Variants in FBXO42 observed in about 807,000 individuals in gnomAD.
The protein encoded by FBXO42 is F-box protein 42.
FBXO42 carries 12 observed loss-of-function variants against 71.7 expected under a neutral mutation model. The ratio of observed to expected loss-of-function variants is 0.17; its 90% CI spans 0.11 to 0.27. The LOEUF (loss-of-function observed/expected upper bound fraction) is 0.27, where lower values mean the gene tolerates loss of function less well. Ranked by LOEUF, FBXO42 falls within the 10% of genes least tolerant of loss-of-function variation. The probability of loss-of-function intolerance (pLI) is 1.00; values close to 1 mark genes in which losing one functional copy is unlikely to be tolerated. For synonymous variants in FBXO42, 325 were observed against 327.5 expected (o/e 0.99, Z 0.08); for missense variants, 707 against 911.9 (o/e 0.78, Z 2.89).
intron 1 of FBXO42, among the ~76,000 whole-genome samples, chr1:16,320,680 T>C (rs2082404009): frequency 6.6e-6 from 1 of 150,602 alleles, no homozygotes; most frequent in Non-Finnish European, 1.5e-5. Context: ...TTTTTTGAGA[T>C]GGGAGTCTCG....
rs1477545566 is a variant in FBXO42, at chr1:16,252,341, C to T, written c.985G>A (p.Val329Ile). 6.2e-7 allele frequency: 1 copy of T among 1,614,100 alleles called. No homozygotes were observed. The change falls in exon 9 of 10, where the codon GTA becomes ATA. Residue 329 changes from valine (V) to isoleucine (I), a missense_variant. Coordinates refer to ENST00000375592, the MANE Select transcript of FBXO42 (RefSeq NM_018994.3). This position sits in a 1 kb window ranked among gnomAD's most constrained non-coding sequence, Gnocchi z 4.4. ...GGGGCCCCATGCTCTTCATTTTCTACCTTGAGTGGCTGCCAGGCCCAAGGA... is the reference window on the plus strand; with the variant it reads ...GGGGCCCCATGCTCTTCATTTTCTATCTTGAGTGGCTGCCAGGCCCAAGGA... Reference protein sequence around the residue: ...SGPWAWQPLKVENEEHGAPEL... With the variant: ...SGPWAWQPLKIENEEHGAPEL...
intron 1 of FBXO42, among the ~76,000 whole-genome samples, chr1:16,344,213 G>C (rs1167215801): frequency 6.6e-6 from 1 of 151,708 alleles, no homozygotes; most frequent in Non-Finnish European, 1.5e-5. Context: ...GGTCAGGCTG[G>C]TCTCGAACTC....
intron 1 of FBXO42, among the ~76,000 whole-genome samples, chr1:16,345,720 C>A (rs1018915934): frequency 2.0e-5 from 3 of 151,772 alleles, no homozygotes; most frequent in African/African-American, 4.8e-5. Context: ...TGGTGGCGGG[C>A]GCCTGTAGTC....
In FBXO42 at chr1:16,266,101, T is replaced by C. The variant is rs558711107; in HGVS notation, c.503-9342A>G. ...TTTCAAATAAAATAATCAAACAAGATAGAACTTTTGAAAGAAAAAGTCAGA... is the reference window on the plus strand; with the variant it reads ...TTTCAAATAAAATAATCAAACAAGACAGAACTTTTGAAAGAAAAAGTCAGA... On this transcript the variant is annotated intron_variant, in intron 4 of 9. Coordinates refer to ENST00000375592, the MANE Select transcript of FBXO42 (RefSeq NM_018994.3). Among the ~76,000 whole-genome samples, 8 of 152,226 alleles carry C rather than the reference T, an allele frequency of 5.3e-5. No individual in the cohort carries two copies. In the East Asian group the frequency reaches 1.5e-3, roughly 29 times the overall value.
chr1:16,262,003 C>T (rs1202885848), intron 4 of FBXO42, among the ~76,000 whole-genome samples: 4 of 152,156 alleles, frequency 2.6e-5, no homozygotes, highest in Non-Finnish European at 5.9e-5. Context: ...TGAGCCACCG[C>T]GCCTGGCCCA....
chr1:16,271,264 TG>T (rs1421046481), intron 4 of FBXO42, among the ~76,000 whole-genome samples: 8 of 73,252 alleles, frequency 1.1e-4, no homozygotes, highest in Non-Finnish European at 2.3e-4. Context: ...TGTTGGTGTG[TG>T]TGTGTGTGTG....
chr1:16,303,980 T>C (rs2082224103), intron 3 of FBXO42, among the ~76,000 whole-genome samples: 1 of 152,198 alleles, frequency 6.6e-6, no homozygotes, highest in South Asian at 2.1e-4. Context: ...ATTGTTCATA[T>C]TTTTAGCAGA....
At chr1:16,283,061 CCA>C (rs1569857036) in intron 4 of FBXO42, among the ~76,000 whole-genome samples, 2 of 151,990 alleles carry the variant, frequency 1.3e-5, no homozygotes, top group African/African-American at 2.4e-5. Context: ...GCCAAGGAAC[CCA>C]CAGTTTAGGT....
intron 1 of FBXO42, among the ~76,000 whole-genome samples, chr1:16,333,879 G>A (rs938956713): frequency 2.0e-5 from 3 of 152,066 alleles, no homozygotes; most frequent in African/African-American, 4.8e-5. Flanking sequence ...CATTTAAAGG[G>A]ATGGAATCCA....
At position 16,250,593 on chromosome 1, in the gene FBXO42, A is replaced by C; in HGVS notation, c.*77T>G. 1 of 1,500,154 alleles carries C rather than the reference A, an allele frequency of 6.7e-7. No homozygotes were observed. The highest frequency in any genetic ancestry group is 8.9e-7 in the Non-Finnish European group (1 of 1,121,578). The allele number at this position is 1,500,154 out of a possible 1,614,324, so 92.9% of individuals were successfully genotyped here. On this transcript the variant is annotated 3_prime_UTR_variant, in exon 10 of 10. Coordinates refer to ENST00000375592, the MANE Select transcript of FBXO42 (RefSeq NM_018994.3). The surrounding 1 kb of genome is among the most constrained non-coding windows in gnomAD (Gnocchi z 4.7). ...CTTCTGGGAGTAATTTTGTTTTCCCAATTCTCAGTCCAAATGCTTACACAC... is the reference window on the plus strand; with the variant it reads ...CTTCTGGGAGTAATTTTGTTTTCCCCATTCTCAGTCCAAATGCTTACACAC...
At chr1:16,288,957 CAAA>C (rs201709602) in intron 4 of FBXO42, among the ~76,000 whole-genome samples, 2 of 79,204 alleles carry the variant, frequency 2.5e-5, no homozygotes, top group Admixed American at 1.4e-4. Context: ...GACTATGTCT[CAAA>C]AAAAAAAAAA....
chr1:16,329,276 G>A (rs1405183344), intron 1 of FBXO42, among the ~76,000 whole-genome samples: 1 of 151,606 alleles, frequency 6.6e-6, no homozygotes, highest in Non-Finnish European at 1.5e-5. Flanking sequence ...AAAATAAATT[G>A]GTATTGGATC....
intron 3 of FBXO42, among the ~76,000 whole-genome samples, chr1:16,299,233 G>A (rs1203653078): frequency 3.3e-5 from 5 of 151,524 alleles, no homozygotes; most frequent in South Asian, 2.1e-4. Context: ...GGCTGGTCTC[G>A]ATCTCCTGAC....
chr1:16,291,233 C>T (rs1001971187), intron 4 of FBXO42, among the ~76,000 whole-genome samples: 4 of 152,140 alleles, frequency 2.6e-5, no homozygotes, highest in African/African-American at 9.7e-5. Flanking sequence ...GACTTATAAA[C>T]AACTATGTTT....
intron 1 of FBXO42, among the ~76,000 whole-genome samples, chr1:16,339,878 G>T (rs373764165): frequency 4.6e-5 from 7 of 152,266 alleles, no homozygotes; most frequent in South Asian, 2.1e-4. Context: ...CACTTAGCCT[G>T]GGAAATCCAG....
At chr1:16,314,314 G>T (rs2100574942) in intron 2 of FBXO42, among the ~76,000 whole-genome samples, 1 of 152,298 alleles carries the variant, frequency 6.6e-6, no homozygotes, top group Non-Finnish European at 1.5e-5. Context: ...ATAAAATCAA[G>T]TGACAAATGT....
intron 4 of FBXO42, among the ~76,000 whole-genome samples, chr1:16,279,246 T>C (rs1271649612): frequency 6.6e-6 from 1 of 152,214 alleles, no homozygotes; most frequent in African/African-American, 2.4e-5. Flanking sequence ...TTGGAAGATA[T>C]TGTTCTTTTA....
rs944693924 is a variant in FBXO42 at position 16,248,190 on chromosome 1, C to T, written c.*2480G>A. ...TTGGCCGAGACACGTGAAGTCCCAC[C>T]GCACAGGTGGCTTCAGGAGGCCTGA... is the stretch of plus-strand genomic sequence containing the variant. On this transcript the variant is annotated 3_prime_UTR_variant, in exon 10 of 10. Transcript: ENST00000375592. The T allele has an allele frequency of 1.4e-4, 21 of 152,182 alleles. No homozygotes were observed. The highest frequency in any genetic ancestry group is 4.6e-4 in the African/African-American group (19 of 41,440). 9.4% of individuals were successfully genotyped at this position (152,182 alleles called of 1,614,324 possible).
chr1:16,278,026 A>C (rs556133311), intron 4 of FBXO42, among the ~76,000 whole-genome samples: 40 of 150,460 alleles, frequency 2.7e-4, no homozygotes, highest in Non-Finnish European at 4.4e-4. Flanking sequence ...TGGGTGATGG[A>C]GTGACACCCT....
Sources: gnomAD v4.1 joint callset for allele counts (sites outside exome capture counted in the v4.1 genomes callset) on GRCh38, gnomAD v4.1.1 for gene constraint, Gnocchi (gnomAD v3.1) non-coding constraint, MANE v1.5 for transcripts, NCBI Gene and HGNC (gene_info 2026-07-23, HGNC 2026-07-21) for gene names.